The following STRBP variants were observed in gnomAD, a reference collection of about 807,000 sequenced individuals.
The protein encoded by STRBP is spermatid perinuclear RNA binding protein.
STRBP carries 13 observed loss-of-function variants against 80.1 expected under a neutral mutation model. That is an observed-to-expected ratio of 0.16 (90% confidence interval 0.11 to 0.26). The LOEUF is 0.26. STRBP is among the 10% of genes least tolerant of loss of function. The pLI is 1.00. For synonymous variants in STRBP, 284 were observed against 291.2 expected (o/e 0.98, Z 0.25); for missense variants, 485 against 815.2 (o/e 0.59, Z 4.93).
chr9:123,123,177 A>G lies in STRBP; in HGVS notation c.*2420T>C. On this transcript the variant is annotated 3_prime_UTR_variant, in exon 19 of 19. Coordinates refer to ENST00000348403, the MANE Select transcript of STRBP (RefSeq NM_018387.5). Reference sequence around the variant, plus strand: ...GTGAATAATAAATGGTGCGACGCTCAGAGGCTGGCAATAGGGGCTGTCAAT... The same window carrying G: ...GTGAATAATAAATGGTGCGACGCTCGGAGGCTGGCAATAGGGGCTGTCAAT... 1 of 985,472 alleles carries G rather than the reference A, an allele frequency of 1.0e-6. No homozygotes were observed. Among genetic ancestry groups the G allele is most frequent in the Non-Finnish European group, 1.2e-6 (1 of 829,950 alleles). The allele number at this position is 985,472 out of a possible 1,614,324, so 61.0% of individuals were successfully genotyped here. A position where few individuals can be genotyped will look rare whatever the true frequency, so the allele number is the denominator to read the frequency against.
At chr9:123,217,745 T>C (rs568403042) in intron 2 of STRBP, among the ~76,000 whole-genome samples, 3 of 152,358 alleles carry the variant, frequency 2.0e-5, no homozygotes, top group South Asian at 4.1e-4. Flanking sequence ...ATAAGTGGTG[T>C]CCATTCTTAT....
At chr9:123,243,949 T>A (rs988106208) in intron 1 of STRBP, among the ~76,000 whole-genome samples, 1 of 152,186 alleles carries the variant, frequency 6.6e-6, no homozygotes, top group African/African-American at 2.4e-5. Context: ...AAAACTTACA[T>A]CCACACAAAA....
intron 9 of STRBP, 61 bp downstream of exon 9, chr9:123,159,035 A>G: frequency 7.4e-7 from 1 of 1,360,234 alleles, no homozygotes; most frequent in South Asian, 1.2e-5. Flanking sequence ...GCATATATTT[A>G]GAAAAATAAA....
rs202100984 is a variant in STRBP, at chr9:123,160,364, T to C, written c.723+3A>G. ...TTGCTTTTAGCCATATTTAAGTACTTACCCATCCTTTCAATGGTGCCCATG... is the reference window on the plus strand; with the variant it reads ...TTGCTTTTAGCCATATTTAAGTACTCACCCATCCTTTCAATGGTGCCCATG... On this transcript the variant is annotated splice_donor_region_variant and intron_variant, in intron 8 of 18. Transcript: ENST00000348403. 12 of 1,585,860 alleles carry C rather than the reference T, an allele frequency of 7.6e-6. No homozygotes were observed. The East Asian group carries it at 2.7e-4, about 36-fold the overall frequency.
chr9:123,263,521 T>C (rs547382597), intron 1 of STRBP, among the ~76,000 whole-genome samples: 5 of 107,178 alleles, frequency 4.7e-5, no homozygotes, highest in African/African-American at 1.1e-4. Flanking sequence ...CAAGACCCTG[T>C]CTCAAAAAAA....
At chr9:123,209,308 T>C (rs754644047) in intron 2 of STRBP, among the ~76,000 whole-genome samples, 1 of 152,158 alleles carries the variant, frequency 6.6e-6, no homozygotes, top group Non-Finnish European at 1.5e-5. Context: ...CATTTATTCA[T>C]CCATCTAACC....
chr9:123,266,959 C>T (rs568796686), intron 1 of STRBP, among the ~76,000 whole-genome samples: 1 of 152,030 alleles, frequency 6.6e-6, no homozygotes, highest in Non-Finnish European at 1.5e-5. Context: ...TGTCCACCTT[C>T]CCCTCCAGTC....
At chr9:123,197,672 T>C (rs1019303626) in intron 2 of STRBP, among the ~76,000 whole-genome samples, 3 of 132,070 alleles carry the variant, frequency 2.3e-5, no homozygotes, top group African/African-American at 8.7e-5. Context: ...TATTTCTTTT[T>C]TTTTTTTTTT....
intron 2 of STRBP, among the ~76,000 whole-genome samples, chr9:123,233,975 C>G (rs1034002574): frequency 6.6e-6 from 1 of 152,020 alleles, no homozygotes; most frequent in Admixed American, 6.6e-5. Context: ...CCAAGGCGGG[C>G]AGATCACGAG....
At chr9:123,260,494 A>C (rs993627810) in intron 1 of STRBP, among the ~76,000 whole-genome samples, 4 of 152,376 alleles carry the variant, frequency 2.6e-5, no homozygotes, top group African/African-American at 9.6e-5. Context: ...AGGAACCAGA[A>C]GCTCAGAGAG....
intron 1 of STRBP, among the ~76,000 whole-genome samples, chr9:123,247,825 C>T (rs552289018): frequency 5.3e-5 from 8 of 152,126 alleles, no homozygotes; most frequent in Non-Finnish European, 8.8e-5. Context: ...ATTTAGATGT[C>T]GTATGTAACT....
At chr9:123,169,647 A>G (rs1363962533) in intron 6 of STRBP, among the ~76,000 whole-genome samples, 1 of 152,232 alleles carries the variant, frequency 6.6e-6, no homozygotes, top group Non-Finnish European at 1.5e-5. Context: ...TAAAAATTAA[A>G]GCAGAGTTAA....
In STRBP at chr9:123,136,647, A is replaced by G. The variant is rs1434715019; in HGVS notation, c.1498-132T>C. ...AAGCACTCAGGGGCTAGAATGAGTC[A>G]CCTCTTTACACAAATGGCAAAATAT... On this transcript the variant is annotated intron_variant, in intron 14 of 18. Coordinates refer to ENST00000348403, the MANE Select transcript of STRBP (RefSeq NM_018387.5). This position sits in a 1 kb window ranked among gnomAD's most constrained non-coding sequence, Gnocchi z 4.2. The G allele has an allele frequency of 9.9e-7, 1 of 1,012,172 alleles. No individual in the cohort carries two copies. The highest frequency in any genetic ancestry group is 1.4e-6 in the Non-Finnish European group (1 of 713,696). The allele number at this position is 1,012,172 out of a possible 1,614,324, so 62.7% of individuals were successfully genotyped here.
At chr9:123,131,193 C>CACATATCCCT (rs2036121682) in intron 17 of STRBP, among the ~76,000 whole-genome samples, 1 of 152,216 alleles carries the variant, frequency 6.6e-6, no homozygotes, top group African/African-American at 2.4e-5. Context: ...TCAATGCTCA[C>CACATATCCCT]ACCTATCCCT....
In STRBP at chr9:123,124,143, A is replaced by T; in HGVS notation, c.*1454T>A. The T allele has an allele frequency of 1.0e-6, 1 of 985,432 alleles. No individual in the cohort carries two copies. The highest frequency in any genetic ancestry group is 1.2e-6 in the Non-Finnish European group (1 of 829,932). 61.0% of individuals were successfully genotyped at this position (985,432 alleles called of 1,614,324 possible). A position where few individuals can be genotyped will look rare whatever the true frequency, so the allele number is the denominator to read the frequency against. On this transcript the variant is annotated 3_prime_UTR_variant, in exon 19 of 19. Coordinates refer to ENST00000348403, the MANE Select transcript of STRBP (RefSeq NM_018387.5). ...GGTCCCGAAGGAATTTGGTACATAC[A>T]TTTGCCATATTTTGTGAAGCCCATT...
intron 1 of STRBP, among the ~76,000 whole-genome samples, chr9:123,245,374 CT>C (rs374306245): frequency 6.6e-6 from 1 of 151,964 alleles, no homozygotes; most frequent in Non-Finnish European, 1.5e-5. Context: ...ATCTGTATTT[CT>C]TTTTTTTGTT....
intron 16 of STRBP, among the ~76,000 whole-genome samples, chr9:123,133,561 C>T (rs573964540): frequency 3.3e-5 from 5 of 151,026 alleles, no homozygotes; most frequent in East Asian, 3.9e-4. Context: ...TTTTTTGAGA[C>T]GGAGTCTCGC....
chr9:123,134,573 A>T (rs964837631), intron 16 of STRBP, among the ~76,000 whole-genome samples: 4 of 152,210 alleles, frequency 2.6e-5, no homozygotes, highest in Non-Finnish European at 5.9e-5. Flanking sequence ...AGCTTATAGT[A>T]TGGAAAATTT....
chr9:123,201,151 T>C (rs2039311801), intron 2 of STRBP, among the ~76,000 whole-genome samples: 1 of 152,174 alleles, frequency 6.6e-6, no homozygotes, highest in Admixed American at 6.5e-5. Flanking sequence ...TCATGGTCTA[T>C]CAATTTTATT....
Sources: allele counts gnomAD v4.1 joint callset (sites outside exome capture counted in the v4.1 genomes callset), GRCh38; gene constraint gnomAD v4.1.1; non-coding constraint Gnocchi (gnomAD v3.1); transcripts MANE v1.5; gene names NCBI Gene and HGNC (gene_info 2026-07-23, HGNC 2026-07-21).